HS6ST3: variants seen among roughly 807,000 people sequenced by gnomAD.
HS6ST3 encodes heparan sulfate 6-O-sulfotransferase 3, also known as heparan-sulfate 6-O-sulfotransferase 3.
A neutral mutation model predicts 36.7 loss-of-function variants in HS6ST3; 12 were observed. The observed-to-expected ratio is 0.33, with a 90% confidence interval of 0.21 to 0.53. The LOEUF (loss-of-function observed/expected upper bound fraction) is 0.53. HS6ST3 is among the 20% of genes least tolerant of loss of function. HS6ST3 has a pLI of 0.95. For missense variants in HS6ST3, 584 were observed against 640.9 expected, an observed-to-expected ratio of 0.91 and a Z score of 0.96; for synonymous variants, 240 against 257.5, an observed-to-expected ratio of 0.93 and a Z score of 0.65.
intron 1 of HS6ST3, among the ~76,000 whole-genome samples, chr13:96,409,480 G>A (rs1012195684): frequency 6.6e-6 from 1 of 152,164 alleles, no homozygotes; most frequent in Non-Finnish European, 1.5e-5. Context: ...TGACTCCTGG[G>A]TGGGAAGAGT....
intron 1 of HS6ST3, among the ~76,000 whole-genome samples, chr13:96,744,193 T>C (rs1053491604): frequency 6.6e-6 from 1 of 151,960 alleles, no homozygotes; most frequent in Non-Finnish European, 1.5e-5. Flanking sequence ...CTTATTTTAA[T>C]TTTTTTTCTC....
intron 1 of HS6ST3, among the ~76,000 whole-genome samples, chr13:96,752,458 A>G (rs1876724425): frequency 6.6e-6 from 1 of 152,096 alleles, no homozygotes; most frequent in Non-Finnish European, 1.5e-5. Flanking sequence ...TTCTCTCCAA[A>G]ACTTCATGGT....
chr13:96,102,838 A>T (rs1264129469), intron 1 of HS6ST3, among the ~76,000 whole-genome samples: 1 of 152,208 alleles, frequency 6.6e-6, no homozygotes, highest in Non-Finnish European at 1.5e-5. Flanking sequence ...GAACAAGTTA[A>T]CTTACTAGTG....
At chr13:96,816,064 G>A (rs1216567191) in intron 1 of HS6ST3, among the ~76,000 whole-genome samples, 1 of 152,172 alleles carries the variant, frequency 6.6e-6, no homozygotes, top group East Asian at 1.9e-4. Context: ...TGGCTGCAAT[G>A]TTCTAACAAG....
chr13:96,142,218 T>C (rs1290966615), intron 1 of HS6ST3, among the ~76,000 whole-genome samples: 1 of 152,170 alleles, frequency 6.6e-6, no homozygotes, highest in South Asian at 2.1e-4. Context: ...CATCAATCAA[T>C]ATAGTTATCA....
intron 1 of HS6ST3, among the ~76,000 whole-genome samples, chr13:96,292,855 TAA>T (rs2054836908): frequency 6.6e-6 from 1 of 152,166 alleles, no homozygotes; most frequent in African/African-American, 2.4e-5. Context: ...GTGAAAATTC[TAA>T]ATAATTTAAA....
chr13:96,358,452 A>G (rs566378805), intron 1 of HS6ST3, among the ~76,000 whole-genome samples: 2 of 152,304 alleles, frequency 1.3e-5, no homozygotes, highest in South Asian at 4.1e-4. Flanking sequence ...ATCTGGTCTC[A>G]TCATGAGGAA....
intron 1 of HS6ST3, among the ~76,000 whole-genome samples, chr13:96,785,744 A>G (rs776157449): frequency 2.6e-5 from 4 of 152,208 alleles, no homozygotes; most frequent in Non-Finnish European, 5.9e-5. Context: ...AGAGGCAAAG[A>G]GATACATGAA....
intron 1 of HS6ST3, among the ~76,000 whole-genome samples, chr13:96,197,289 T>G (rs1357111397): frequency 1.3e-5 from 2 of 152,144 alleles, no homozygotes; most frequent in African/African-American, 4.8e-5. Flanking sequence ...CAGAAACCCC[T>G]GATAAACCCA....
rs1415314083 is a variant in HS6ST3 at position 96,823,411 on chromosome 13, C to T, written c.708-9079C>T. ...ACATCCATAAATGGAATATTATGCT[C>T]TTCTGGAAGAACATTGTATTCTTAT... On this transcript the variant is annotated intron_variant, in intron 1 of 1. Coordinates refer to ENST00000376705, the MANE Select transcript of HS6ST3 (RefSeq NM_153456.4). Among the ~76,000 whole-genome samples, 3 of 152,178 alleles carry T rather than the reference C, an allele frequency of 2.0e-5. No individual in the cohort carries two copies. The South Asian group carries it at 6.2e-4, about 32-fold the overall frequency.
chr13:96,267,692 A>T (rs1355425943), intron 1 of HS6ST3, among the ~76,000 whole-genome samples: 1 of 151,992 alleles, frequency 6.6e-6, no homozygotes, highest in Non-Finnish European at 1.5e-5. Context: ...TCTGAGGCTG[A>T]TTTTATAAGT....
intron 1 of HS6ST3, among the ~76,000 whole-genome samples, chr13:96,486,281 T>C (rs1208994710): frequency 4.6e-5 from 7 of 152,166 alleles, no homozygotes; most frequent in Non-Finnish European, 1.0e-4. Context: ...ACATTTGGGT[T>C]GGTTCCAAGT....
rs553801951 is a variant in HS6ST3 at position 96,513,492 on chromosome 13, A to G, written c.708-318998A>G. ...ATATAATTTTCACCATGATACTGAC[A>G]TTTTTAATGTATATTAGTTCTAGTT... On this transcript the variant is annotated intron_variant, in intron 1 of 1. Coordinates refer to ENST00000376705, the MANE Select transcript of HS6ST3 (RefSeq NM_153456.4). 2.6e-5 allele frequency among the ~76,000 whole-genome samples: 4 copies of G among 152,238 alleles called. No homozygotes were observed. The South Asian group carries it at 8.3e-4, about 32-fold the overall frequency.
chr13:96,344,406 GT>G (rs1221558403), intron 1 of HS6ST3, among the ~76,000 whole-genome samples: 1 of 152,192 alleles, frequency 6.6e-6, no homozygotes, highest in African/African-American at 2.4e-5. Context: ...CCAAGATTGA[GT>G]CTCAAAATGT....
intron 1 of HS6ST3, among the ~76,000 whole-genome samples, chr13:96,533,110 T>A (rs1279733878): frequency 6.6e-6 from 1 of 152,194 alleles, no homozygotes; most frequent in East Asian, 1.9e-4. Context: ...GAAGCTAAAG[T>A]GTCAATGTTT....
chr13:96,415,765 T>C (rs971604), intron 1 of HS6ST3, among the ~76,000 whole-genome samples: 126,927 of 152,196 alleles, frequency 0.83, 53,578 homozygotes, highest in South Asian at 0.94. Flanking sequence ...AACAGGTGGG[T>C]ACACCAATAA....
chr13:96,270,368 G>A (rs1412729362), intron 1 of HS6ST3, among the ~76,000 whole-genome samples: 1 of 151,876 alleles, frequency 6.6e-6, no homozygotes, highest in Non-Finnish European at 1.5e-5. Flanking sequence ...GCCCAAGCAG[G>A]CTAATAGACC....
At chr13:96,572,656 C>T (rs1880556070) in intron 1 of HS6ST3, among the ~76,000 whole-genome samples, 1 of 151,756 alleles carries the variant, frequency 6.6e-6, no homozygotes, top group Non-Finnish European at 1.5e-5. Flanking sequence ...TCCATTCCTC[C>T]CGAATATTCT....
At chr13:96,636,495 C>A (rs529774445) in intron 1 of HS6ST3, among the ~76,000 whole-genome samples, 2 of 152,112 alleles carry the variant, frequency 1.3e-5, no homozygotes, top group Non-Finnish European at 2.9e-5. Context: ...GAGAAAAGAG[C>A]AGCATGCCAT....
Sources: allele counts gnomAD v4.1 joint callset (sites outside exome capture counted in the v4.1 genomes callset), GRCh38; gene constraint gnomAD v4.1.1; transcripts MANE v1.5; gene names NCBI Gene and HGNC (gene_info 2026-07-23, HGNC 2026-07-21).